Variants in DHX8 observed in about 807,000 individuals in gnomAD.
DHX8 encodes the protein ATP-dependent RNA helicase DHX8.
DHX8 carries 67 observed loss-of-function variants against 140.7 expected under a neutral mutation model. That is an observed-to-expected ratio of 0.48 (90% CI 0.39 to 0.58). The LOEUF is 0.58. Among genes scored for constraint, DHX8 ranks in the 20% least tolerant of loss-of-function variants. DHX8 has a pLI of 0.00. For missense variants in DHX8, 887 were observed against 1,550.7 expected (o/e 0.57, Z 7.19); for synonymous variants, 533 against 553.2 (o/e 0.96, Z 0.51).
chr17:43,498,030 T>C (rs1968962020), intron 9 of DHX8, among the ~76,000 whole-genome samples: 1 of 152,226 alleles, frequency 6.6e-6, no homozygotes, highest in Admixed American at 6.5e-5. Flanking sequence ...AAAGTAGGTC[T>C]GATCAGTTCT....
rs1413223011 is a variant in DHX8, at chr17:43,496,246, C to T, written c.1278C>T (p.Leu426=). The T allele has an allele frequency of 4.8e-5, 77 of 1,613,444 alleles. No individual in the cohort carries two copies. Among genetic ancestry groups the T allele is most frequent in the Non-Finnish European group, 6.4e-5 (75 of 1,179,662 alleles). ...ACTTTGATGAAGAGACTGGCATTCTCCCTAAGGTGGATGATGAAGAAGGTA... is the reference window on the plus strand; with the variant it reads ...ACTTTGATGAAGAGACTGGCATTCTTCCTAAGGTGGATGATGAAGAAGGTA... ...FPDFDEETGI[L]PKVDDEEDED... The change falls in exon 9 of 23, where the codon CTC becomes CTT. Residue 426 remains leucine, a synonymous_variant. Transcript: ENST00000262415.
intron 8 of DHX8, among the ~76,000 whole-genome samples, chr17:43,495,110 A>T (rs943938474): frequency 6.6e-6 from 1 of 151,882 alleles, no homozygotes; most frequent in Non-Finnish European, 1.5e-5. Flanking sequence ...CACTGTGCCC[A>T]GCCTATTGTT....
downstream of DHX8, chr17:43,525,775 T>G: frequency 2.0e-6 from 2 of 985,718 alleles, no homozygotes; most frequent in Non-Finnish European, 2.4e-6. Context: ...TGGCTCCCAG[T>G]CCTAATTCCA....
rs746940640 is a variant in DHX8, at chr17:43,520,744, C to T, written c.2938-7C>T. ...GAAGCAGTTGTAGTCTTTTTTTGTC[C>T]CTCTAGATGGCAGAGTTCCCTCTGG... On this transcript the variant is annotated splice_region_variant and splice_polypyrimidine_tract_variant and intron_variant, in intron 19 of 22. Transcript: ENST00000262415. 2 of 1,612,844 alleles carry T rather than the reference C, an allele frequency of 1.2e-6. No individual in the cohort carries two copies. The highest frequency in any genetic ancestry group is 2.2e-5 in the East Asian group (1 of 44,868).
At chr17:43,513,321 G>A in intron 16 of DHX8, 41 bp from the exon 17 acceptor site, 2 of 1,604,540 alleles carry the variant, frequency 1.2e-6, no homozygotes, top group Non-Finnish European at 1.7e-6. Context: ...TCAGGGCTGA[G>A]CCTGGGCACC....
chr17:43,522,268 G>A, intron 22 of DHX8, 42 bp downstream of exon 22: 1 of 1,561,150 alleles, frequency 6.4e-7, no homozygotes, highest in Non-Finnish European at 8.7e-7. Flanking sequence ...TTTCTGGGCA[G>A]AGAAAAACCT....
At chr17:43,510,779 C>T (rs1969781835) in intron 16 of DHX8, among the ~76,000 whole-genome samples, 1 of 152,070 alleles carries the variant, frequency 6.6e-6, no homozygotes, top group African/African-American at 2.4e-5. Flanking sequence ...AGTCATCTAC[C>T]CCCATTTACT....
chr17:43,513,709 CTTTT>C (rs34829204), intron 17 of DHX8, among the ~76,000 whole-genome samples: 1 of 105,966 alleles, frequency 9.4e-6, no homozygotes, highest in Non-Finnish European at 1.9e-5. Flanking sequence ...AGTTTTTAAT[CTTTT>C]TTTTTTTTTT....
rs138730592 is a variant in DHX8 at position 43,543,710 on chromosome 17, G to C, written c.*21-452G>C. ...AATTGGAGCTGGGCATGCAGGACTT[G>C]CAGGGTCGGGGATGATGCACACAAT... is the stretch of plus-strand genomic sequence containing the variant. On this transcript the variant is annotated intron_variant, in intron 3 of 3. Transcript: ENST00000589898. 2.5e-3 allele frequency among the ~76,000 whole-genome samples: 383 copies of C among 152,318 alleles called. 2 individuals carry two copies. The highest frequency in any genetic ancestry group is 9.0e-3 in the African/African-American group (373 of 41,558).
intron 22 of DHX8, among the ~76,000 whole-genome samples, chr17:43,523,089 AAAC>A (rs1970464811): frequency 6.6e-6 from 1 of 151,962 alleles, no homozygotes; most frequent in Non-Finnish European, 1.5e-5. Context: ...AGAAAGAAAA[AAAC>A]AACTACCTAG....
intron 2 of DHX8, chr17:43,533,764 T>G: frequency 6.8e-7 from 1 of 1,479,450 alleles, no homozygotes; most frequent in Non-Finnish European, 9.1e-7. Flanking sequence ...TTGTCTAACT[T>G]GCATCTCAGC....
chr17:43,490,747 C>T (rs986796406), intron 3 of DHX8, among the ~76,000 whole-genome samples: 1 of 152,076 alleles, frequency 6.6e-6, no homozygotes, highest in African/African-American at 2.4e-5. Flanking sequence ...GATGGCGTGC[C>T]TCCGTAGTTC....
chr17:43,484,296 G>A (rs967887895), intron 1 of DHX8, 111 bp downstream of exon 1: 2 of 1,300,696 alleles, frequency 1.5e-6, no homozygotes, highest in Non-Finnish European at 2.2e-6. Context: ...GTGTGAATCT[G>A]TCTCTCTCTG....
intron 2 of DHX8, chr17:43,536,236 A>G (rs1971238021): frequency 1.5e-6 from 1 of 647,860 alleles, no homozygotes; most frequent in African/African-American, 1.8e-5. Flanking sequence ...CTCTAAGGTC[A>G]CACAGCAAGA....
At chr17:43,486,739 G>A (rs766203364) in intron 1 of DHX8, among the ~76,000 whole-genome samples, 1 of 151,966 alleles carries the variant, frequency 6.6e-6, no homozygotes, top group African/African-American at 2.4e-5. Context: ...TTAGCAGGGC[G>A]TGGTGGTGCA....
At position 43,524,772 on chromosome 17, in the gene DHX8, A is replaced by G; in HGVS notation, c.*925A>G. On this transcript the variant is annotated 3_prime_UTR_variant, in exon 23 of 23. Transcript: ENST00000262415. ...TGAGGTCCTGGATGGACTTTAACAA[A>G]GGGATTTTATGGTCAAAACCTCCCT... 1.0e-6 allele frequency: 1 copy of G among 985,394 alleles called. No homozygotes were observed. The highest frequency in any genetic ancestry group is 1.2e-6 in the Non-Finnish European group (1 of 829,912). The allele number at this position is 985,394 out of a possible 1,614,324, so 61.0% of individuals were successfully genotyped here.
chr17:43,488,295 A>G (rs200106664), intron 1 of DHX8, among the ~76,000 whole-genome samples: 1 of 87,864 alleles, frequency 1.1e-5, no homozygotes, highest in African/African-American at 3.7e-5. Flanking sequence ...AGAAAAAAAA[A>G]AGAAAAAAAG....
chr17:43,526,020 C>G (rs1970602210), downstream of DHX8: 1 of 985,308 alleles, frequency 1.0e-6, no homozygotes, highest in Non-Finnish European at 1.2e-6. Flanking sequence ...TTGACCATCT[C>G]TCTACGCTAG....
chr17:43,489,646 A>AATGTGGAGAAGATAATCT (rs556827525), intron 2 of DHX8, 112 bp downstream of exon 2: 4 of 709,782 alleles, frequency 5.6e-6, no homozygotes, highest in African/African-American at 5.6e-5. Context: ...GCTGGAGTGC[A>AATGTGGAGAAGATAATCT]GTGGCGCCAC....
Sources: gnomAD v4.1 joint callset for allele counts (sites outside exome capture counted in the v4.1 genomes callset) on GRCh38, gnomAD v4.1.1 for gene constraint, MANE v1.5 for transcripts, NCBI Gene and HGNC (gene_info 2026-07-23, HGNC 2026-07-21) for gene names.